PDE6B: variants seen among roughly 807,000 people sequenced by gnomAD.
PDE6B encodes the protein rod cGMP-specific 3',5'-cyclic phosphodiesterase subunit beta.
A neutral mutation model predicts 109.0 loss-of-function variants in PDE6B; 106 were observed. That is an observed-to-expected ratio of 0.97 (90% confidence interval 0.83 to 1.14). PDE6B has a LOEUF of 1.14. Among genes scored for constraint, PDE6B ranks in the 50% most tolerant of loss-of-function variants. PDE6B has a pLI of 0.00. For synonymous variants in PDE6B, 490 were observed against 471.3 expected, an observed-to-expected ratio of 1.04 and a Z score of -0.51; for missense variants, 1,193 against 1,155.6, an observed-to-expected ratio of 1.03 and a Z score of -0.47.
intron 3 of PDE6B, among the ~76,000 whole-genome samples, chr4:642,403 G>A (rs1173358604): frequency 6.6e-6 from 1 of 152,012 alleles, no homozygotes; most frequent in Non-Finnish European, 1.5e-5. Flanking sequence ...TTGAACCTGG[G>A]AGGCAGAGGT....
At position 633,889 on chromosome 4, in the gene PDE6B, G is replaced by A. The variant is rs28476575; in HGVS notation, c.469-788G>A. Among the ~76,000 whole-genome samples the A allele has an allele frequency of 0.18, 27,711 of 152,100 alleles. 3,021 individuals are homozygous for A. The highest frequency in any genetic ancestry group is 0.3 in the African/African-American group (12,507 of 41,472). On this transcript the variant is annotated intron_variant, in intron 1 of 21. Transcript: ENST00000496514. This position sits in a 1 kb window ranked among gnomAD's most constrained non-coding sequence, Gnocchi z 4.5. Reference sequence around the variant, plus strand: ...GGGGTGTCTGGTCTCAGTAACCCTCGCTGTGTCTGAGCTGAGGCAGAGCTC... The same window carrying A: ...GGGGTGTCTGGTCTCAGTAACCCTCACTGTGTCTGAGCTGAGGCAGAGCTC...
rs760042062 is a variant in PDE6B at position 662,143 on chromosome 4, C to T, written c.1624C>T (p.Arg542Trp). ...KFQIPQEVLV[R>W]FLFSISKGYR... is the part of the protein sequence containing the mutation. ...CTCTCGGCTCCCCCAGGTCCTGGTG[C>T]GGTTCCTGTTCTCCATCAGCAAAGG... The change falls in exon 13 of 22, where the codon CGG becomes TGG. Residue 542 changes from arginine (R) to tryptophan (W), a missense_variant. Physicochemically the swap from Arg to Trp is moderately radical, Grantham distance 101. Transcript: ENST00000496514. This position sits in a 1 kb window ranked among gnomAD's most constrained non-coding sequence, Gnocchi z 4.3. 73 of 1,549,664 alleles carry T rather than the reference C, an allele frequency of 4.7e-5. No individual in the cohort carries two copies. The highest frequency in any genetic ancestry group is 5.9e-5 in the Non-Finnish European group (67 of 1,140,220).
At position 662,691 on chromosome 4, in the gene PDE6B, C is replaced by T. The variant is rs1737253766; in HGVS notation, c.1832+73C>T. 2 of 966,832 alleles carry T rather than the reference C, an allele frequency of 2.1e-6. No individual in the cohort carries two copies. Among genetic ancestry groups the T allele is most frequent in the Non-Finnish European group, 3.4e-6 (2 of 595,562 alleles). 59.9% of individuals were successfully genotyped at this position (966,832 alleles called of 1,614,324 possible). On this transcript the variant is annotated intron_variant, in intron 14 of 21. Coordinates refer to ENST00000496514, the MANE Select transcript of PDE6B (RefSeq NM_000283.4). This position sits in a 1 kb window ranked among gnomAD's most constrained non-coding sequence, Gnocchi z 4.3. ...CGCCCTTGGCGTGAATTAGGCTTCG[C>T]ATAGCAGGCTATGTAGAAAGTGGAG...
chr4:670,635 G>A lies in PDE6B; in HGVS notation c.*528G>A, dbSNP rs1738410558. On this transcript the variant is annotated 3_prime_UTR_variant, in exon 22 of 22. Transcript: ENST00000496514. ...TACCACTGGGAGACCTTTGAAAAGG[G>A]TCCATGAACTCTGAAATCACTGAGA... The A allele has an allele frequency of 1.1e-5, 2 of 177,174 alleles. No individual in the cohort carries two copies. Among genetic ancestry groups the A allele is most frequent in the African/African-American group, 4.8e-5 (2 of 41,716 alleles). 11.0% of individuals were successfully genotyped at this position (177,174 alleles called of 1,614,324 possible).
chr4:661,101 A>T (rs1298477281), intron 12 of PDE6B: 1 of 131,176 alleles, frequency 7.6e-6, no homozygotes, highest in African/African-American at 3.0e-5. Context: ...ATGGATGGAG[A>T]AGTGGGTGGA....
chr4:638,287 T>C (rs1405270047), intron 3 of PDE6B, among the ~76,000 whole-genome samples: 6 of 152,174 alleles, frequency 3.9e-5, no homozygotes, highest in Admixed American at 3.9e-4. Flanking sequence ...TTTGATGGGG[T>C]TGTGTTCTTA....
intron 10 of PDE6B, among the ~76,000 whole-genome samples, chr4:658,128 G>T (rs1178116380): frequency 2.1e-5 from 3 of 143,518 alleles, no homozygotes; most frequent in Non-Finnish European, 4.5e-5. Flanking sequence ...GTCACCAGGG[G>T]TCACAGCTGT....
rs748998079 is a variant in PDE6B at position 664,846 on chromosome 4, G to A, written c.2130-35G>A. 48 of 1,562,004 alleles carry A rather than the reference G, an allele frequency of 3.1e-5. 1 individual carries two copies. The Admixed American group carries it at 6.7e-4, about 22-fold the overall frequency. ...TATAAACCACCTGCCCTCAGGAGAC[G>A]CCCATCAGCACTCGTGCCCGGTTTG... On this transcript the variant is annotated intron_variant, in intron 17 of 21. Coordinates refer to ENST00000496514, the MANE Select transcript of PDE6B (RefSeq NM_000283.4).
At position 663,256 on chromosome 4, in the gene PDE6B, G is replaced by A; in HGVS notation, c.1920+69G>A. The A allele has an allele frequency of 2.2e-6, 2 of 889,050 alleles. No homozygotes were observed. The highest frequency in any genetic ancestry group is 1.6e-5 in the African/African-American group (1 of 61,180). The allele number at this position is 889,050 out of a possible 1,614,324, so 55.1% of individuals were successfully genotyped here. A position where few individuals can be genotyped will look rare whatever the true frequency, so the allele number is the denominator to read the frequency against. On this transcript the variant is annotated intron_variant, in intron 15 of 21. Transcript: ENST00000496514. This position sits in a 1 kb window ranked among gnomAD's most constrained non-coding sequence, Gnocchi z 4.0. ...GCAGCGTCCGCAGGACGGCAGGGCC[G>A]TATCCTGCGGAGCAGGGTTCTGATG...
In PDE6B at chr4:625,754, A is replaced by C; in HGVS notation, c.128A>C (p.Asp43Ala). 6.2e-7 allele frequency: 1 copy of C among 1,613,472 alleles called. No homozygotes were observed. The change falls in exon 1 of 22, where the codon GAC (aspartate) becomes GCC (alanine). Residue 43 changes from aspartate to alanine, a missense_variant. By Grantham distance (126) the Asp-to-Ala change is moderately radical. Coordinates refer to ENST00000496514, the MANE Select transcript of PDE6B (RefSeq NM_000283.4). The surrounding 1 kb of genome is among the most constrained non-coding windows in gnomAD (Gnocchi z 5.0). ...GCCTGCGAGGACGGGTGCCCGCCGG[A>C]CTGCGACAGCCTCCGGGACCTCTGC... ...AAACEDGCPP[D>A]CDSLRDLCQV...
In PDE6B at chr4:637,193, A is replaced by AC. The variant is rs1734729325; in HGVS notation, c.711+1228dup. ...TTGGCTTCTGTGCCCTTTTTACGTG[A>AC]CCCCATCACTGTGGGGTTTTGCTTT... On this transcript the variant is annotated intron_variant, in intron 3 of 21. Transcript: ENST00000496514. Among the ~76,000 whole-genome samples the AC allele has an allele frequency of 2.1e-5, 3 of 144,844 alleles. No individual in the cohort carries two copies. In the South Asian group the frequency reaches 6.7e-4, roughly 32 times the overall value.
At chr4:644,436 C>T (rs1577255756) in intron 3 of PDE6B, among the ~76,000 whole-genome samples, 1 of 151,956 alleles carries the variant, frequency 6.6e-6, no homozygotes, top group South Asian at 2.1e-4. Context: ...GTATGCTCCA[C>T]GTGACCTTGA....
At chr4:652,648 G>A (rs551158435) in intron 3 of PDE6B, 7 of 259,764 alleles carry the variant, frequency 2.7e-5, no homozygotes, top group Middle Eastern at 1.9e-3. Flanking sequence ...TAGAACAGCC[G>A]TTTTCATGGC....
chr4:652,469 T>A (rs548469519), intron 3 of PDE6B: 1 of 984,228 alleles, frequency 1.0e-6, no homozygotes, highest in East Asian at 1.1e-4. Flanking sequence ...TGCAAAGCGT[T>A]CGTTAGCTGG....
chr4:627,150 G>GTTTTT (rs553192612), intron 1 of PDE6B, among the ~76,000 whole-genome samples: 67 of 143,226 alleles, frequency 4.7e-4, no homozygotes, highest in African/African-American at 1.6e-3. Context: ...TCGTTTGTGG[G>GTTTTT]TTTTTTTTTT....
rs974032080 is a variant in PDE6B, at chr4:666,765, G to C, written c.2352+151G>C. 6.6e-5 allele frequency: 45 copies of C among 682,716 alleles called. No individual in the cohort carries two copies. Among genetic ancestry groups the C allele is most frequent in the Non-Finnish European group, 1.1e-4 (40 of 366,886 alleles). 42.3% of individuals were successfully genotyped at this position (682,716 alleles called of 1,614,324 possible). Reference sequence around the variant, plus strand: ...AGTGCCAGCTTCGTGCCGCTCTTGAGTGGGGCAAATGGGGAGGAACATCAG... The same window carrying C: ...AGTGCCAGCTTCGTGCCGCTCTTGACTGGGGCAAATGGGGAGGAACATCAG... On this transcript the variant is annotated intron_variant, in intron 20 of 21. Transcript: ENST00000496514. This position sits in a 1 kb window ranked among gnomAD's most constrained non-coding sequence, Gnocchi z 5.6.
rs200837577 is a variant in PDE6B at position 657,325 on chromosome 4, G to A, written c.1258-26G>A. 6.5e-5 allele frequency: 104 copies of A among 1,612,334 alleles called. No individual in the cohort carries two copies. In the East Asian group the frequency reaches 1.6e-3, roughly 25 times the overall value. ...AGGGGGCGCGCCGGGAGCGCTGAGC[G>A]CCAGTGACACTGCCATCCCCTCCAG... is the stretch of plus-strand genomic sequence containing the variant. On this transcript the variant is annotated intron_variant, in intron 9 of 21. Coordinates refer to ENST00000496514, the MANE Select transcript of PDE6B (RefSeq NM_000283.4).
intron 1 of PDE6B, among the ~76,000 whole-genome samples, chr4:627,352 G>A (rs976181072): frequency 2.0e-5 from 3 of 152,066 alleles, no homozygotes; most frequent in Non-Finnish European, 4.4e-5. Context: ...CGTCATGTTG[G>A]TCAGGCTGTT....
In PDE6B at chr4:660,412, A is replaced by C. The variant is rs530343355; in HGVS notation, c.1468-55A>C. 1.4e-4 allele frequency: 221 copies of C among 1,579,846 alleles called. 1 individual carries two copies. The South Asian group carries it at 1.5e-3, about 10-fold the overall frequency. On this transcript the variant is annotated intron_variant, in intron 11 of 21. Coordinates refer to ENST00000496514, the MANE Select transcript of PDE6B (RefSeq NM_000283.4). ...GATCTGGAGAGAAGAAAGGATGAGA[A>C]GCAAGTGGGGGCTGTGGCAGGCCAA...
Sources: allele counts gnomAD v4.1 joint callset (sites outside exome capture counted in the v4.1 genomes callset), GRCh38; gene constraint gnomAD v4.1.1; non-coding constraint Gnocchi (gnomAD v3.1); transcripts MANE v1.5; gene names NCBI Gene and HGNC (gene_info 2026-07-23, HGNC 2026-07-21).